Variants in MYO1B observed in about 807,000 individuals in gnomAD.
The protein encoded by MYO1B is myosin IB, also known as unconventional myosin-Ib.
Under a neutral mutation model 159.7 loss-of-function variants are expected in MYO1B, and 72 were observed. The observed-to-expected ratio is 0.45, with a 90% CI of 0.37 to 0.55. The LOEUF is 0.55. MYO1B is among the 20% of genes least tolerant of loss of function. MYO1B has a pLI of 0.00. For missense variants in MYO1B, 1,062 were observed against 1,364.8 expected (o/e 0.78, Z 3.50); for synonymous variants, 468 against 473.8 (o/e 0.99, Z 0.16).
chr2:191,416,766 A>G (rs1167423345), intron 30 of MYO1B, among the ~76,000 whole-genome samples: 1 of 152,026 alleles, frequency 6.6e-6, no homozygotes, highest in Admixed American at 6.5e-5. Context: ...ATGAGCCGAG[A>G]TCGTGCCACC....
chr2:191,342,467 T>A (rs556262948), intron 5 of MYO1B, among the ~76,000 whole-genome samples: 2 of 152,204 alleles, frequency 1.3e-5, no homozygotes, highest in African/African-American at 4.8e-5. Context: ...CTTAATGCCA[T>A]GGAGAATGGC....
chr2:191,363,136 G>A (rs374696423), intron 9 of MYO1B, among the ~76,000 whole-genome samples: 5 of 152,128 alleles, frequency 3.3e-5, no homozygotes, highest in South Asian at 2.1e-4. Flanking sequence ...ACAGTATGTC[G>A]TTTTAAAAAA....
chr2:191,420,246 GT>G (rs1215496207), intron 30 of MYO1B, among the ~76,000 whole-genome samples: 4 of 152,078 alleles, frequency 2.6e-5, no homozygotes, highest in African/African-American at 9.7e-5. Flanking sequence ...AAATTGTAAA[GT>G]TTATAAAGCA....
intron 2 of MYO1B, among the ~76,000 whole-genome samples, chr2:191,277,833 T>C (rs1687839735): frequency 6.6e-6 from 1 of 152,206 alleles, no homozygotes. Context: ...TCTGCCTCAC[T>C]TCCTGAGTTC....
In MYO1B at chr2:191,387,430, C is replaced by G. The variant is rs2126089720; in HGVS notation, c.1761C>G (p.Thr587=). 1 of 1,614,128 alleles carries G rather than the reference C, an allele frequency of 6.2e-7. No homozygotes were observed. Among genetic ancestry groups the G allele is most frequent in the Non-Finnish European group, 8.5e-7 (1 of 1,180,010 alleles). The change falls in exon 17 of 31, where the codon ACC becomes ACG. Residue 587 remains threonine, a synonymous_variant. Transcript: ENST00000392318. ...SVATLMKNLQ[T]KNPNYIRCIK... ...CCACTCTGATGAAAAACCTACAGAC[C>G]AAGAACCCAAACTATATTAGGTATT...
Position 191,343,779 on chromosome 2 carries a change from A to G in MYO1B, c.451+2214A>G, listed in dbSNP as rs138298157. Among the ~76,000 whole-genome samples, 752 of 152,302 alleles carry G rather than the reference A, an allele frequency of 4.9e-3. 2 individuals carry two copies. Among genetic ancestry groups the G allele is most frequent in the Non-Finnish European group, 7.2e-3 (490 of 68,020 alleles). ...TTTGGAACTAGGCTCCAGTGCAGGA[A>G]ATAGAAGAAATGTCTACTGTGGGCA... On this transcript the variant is annotated intron_variant, in intron 5 of 30. Transcript: ENST00000392318.
At chr2:191,362,185 G>T in intron 8 of MYO1B, 83 bp from the exon 9 acceptor site, 1 of 1,043,336 alleles carries the variant, frequency 9.6e-7, no homozygotes, top group Non-Finnish European at 1.5e-6. Flanking sequence ...TGTTACCGAT[G>T]TGAACAAGAT....
intron 13 of MYO1B, among the ~76,000 whole-genome samples, chr2:191,374,649 G>C (rs953868105): frequency 6.6e-6 from 1 of 152,158 alleles, no homozygotes; most frequent in Non-Finnish European, 1.5e-5. Flanking sequence ...CTGGCCACAT[G>C]TGATCCGATG....
At chr2:191,359,086 G>A (rs1211604492) in intron 7 of MYO1B, among the ~76,000 whole-genome samples, 3 of 152,186 alleles carry the variant, frequency 2.0e-5, no homozygotes, top group African/African-American at 7.2e-5. Flanking sequence ...CCCATGCCCT[G>A]TGGGTTTTTT....
chr2:191,382,788 GTTTTT>G (rs763930881), intron 14 of MYO1B, among the ~76,000 whole-genome samples: 1 of 151,894 alleles, frequency 6.6e-6, no homozygotes, highest in South Asian at 2.1e-4. Context: ...GCGCTGGCCT[GTTTTT>G]TTTAACACTT....
At chr2:191,409,209 G>A in intron 26 of MYO1B, 31 bp downstream of exon 26, 1 of 1,588,518 alleles carries the variant, frequency 6.3e-7, no homozygotes, top group South Asian at 1.2e-5. Context: ...TCTTTTCGGA[G>A]ACTTTCTTAT....
intron 4 of MYO1B, among the ~76,000 whole-genome samples, chr2:191,334,798 A>G (rs746266313): frequency 2.5e-4 from 38 of 152,354 alleles, no homozygotes; most frequent in Non-Finnish European, 4.1e-4. Context: ...TCTGTGGTGA[A>G]GCACCAGTTC....
At chr2:191,382,742 T>TAC (rs1695118225) in intron 14 of MYO1B, among the ~76,000 whole-genome samples, 1 of 152,240 alleles carries the variant, frequency 6.6e-6, no homozygotes, top group African/African-American at 2.4e-5. Flanking sequence ...GGATAGATTT[T>TAC]CATGTCTTTC....
intron 3 of MYO1B, among the ~76,000 whole-genome samples, chr2:191,301,212 G>C (rs1689308363): frequency 6.6e-6 from 1 of 152,186 alleles, no homozygotes; most frequent in Non-Finnish European, 1.5e-5. Context: ...TTTCCAGTAT[G>C]ATTTTTAACT....
intron 30 of MYO1B, among the ~76,000 whole-genome samples, chr2:191,420,294 A>T (rs1697855863): frequency 6.6e-6 from 1 of 152,222 alleles, no homozygotes; most frequent in Non-Finnish European, 1.5e-5. Context: ...TTATTATTGA[A>T]GAAAGAAAAA....
In MYO1B at chr2:191,414,527, G is replaced by A. The variant is rs754248832; in HGVS notation, c.3017G>A (p.Arg1006Gln). ...INRANGKSTS[R>Q]IFLLTNNNLL... ...TTTATTTTGATTTAGAGTACATCTCGGATTTTCCTCTTAACAAACAATAAT... is the reference window on the plus strand; with the variant it reads ...TTTATTTTGATTTAGAGTACATCTCAGATTTTCCTCTTAACAAACAATAAT... Residue 1006 changes from arginine to glutamine, a missense_variant, in exon 29 of 31, where the codon CGG becomes CAG. Around this residue, in one of 5 missense-constraint regions of MYO1B, gnomAD observed 609 missense variants for 744.4 expected, o/e 0.82. Transcript: ENST00000392318. 8 of 1,606,474 alleles carry A rather than the reference G, an allele frequency of 5.0e-6. No homozygotes were observed. Among genetic ancestry groups the A allele is most frequent in the Non-Finnish European group, 6.8e-6 (8 of 1,177,484 alleles).
chr2:191,276,915 A>G lies in MYO1B; in HGVS notation c.20A>G (p.Lys7Arg), dbSNP rs759257490. 6.2e-7 allele frequency: 1 copy of G among 1,609,900 alleles called. No homozygotes were observed. The highest frequency in any genetic ancestry group is 2.2e-5 in the East Asian group (1 of 44,818). MAKMEV[K>R]TSLLDNMIGV... The stretch of plus-strand genomic sequence containing the variant: ...GAGACCATGGCCAAAATGGAGGTGA[A>G]AACCTCACTTCTGGACAATATGATT... Residue 7 changes from lysine to arginine, a missense_variant, in exon 2 of 31, where the codon AAA (lysine) becomes AGA (arginine). Coordinates refer to ENST00000392318, the MANE Select transcript of MYO1B (RefSeq NM_001130158.3).
At chr2:191,319,067 A>G (rs6715131) in intron 3 of MYO1B, among the ~76,000 whole-genome samples, 8 of 152,262 alleles carry the variant, frequency 5.3e-5, no homozygotes, top group African/African-American at 1.9e-4. Context: ...GGCTGCAGGG[A>G]AGAGAGCCTG....
chr2:191,413,344 A>G (rs561668410), intron 27 of MYO1B, among the ~76,000 whole-genome samples: 54 of 152,322 alleles, frequency 3.5e-4, no homozygotes, highest in Middle Eastern at 6.8e-3. Flanking sequence ...CTGTTTTATA[A>G]TAAAGTGTTG....
Sources: gnomAD v4.1 joint callset for allele counts (sites outside exome capture counted in the v4.1 genomes callset) on GRCh38, gnomAD v4.1.1 for gene constraint, gnomAD v4.1.1 regional missense constraint, MANE v1.5 for transcripts, NCBI Gene and HGNC (gene_info 2026-07-23, HGNC 2026-07-21) for gene names.